The following ZIM2 variants were observed in gnomAD, a reference collection of about 807,000 sequenced individuals.
ZIM2 encodes the protein zinc finger protein 656.
A neutral mutation model predicts 38.6 loss-of-function variants in ZIM2; 14 were observed. That is an observed-to-expected ratio of 0.36 (90% confidence interval 0.24 to 0.57). The LOEUF is 0.57. ZIM2 is among the 20% of genes least tolerant of loss of function. The probability of loss-of-function intolerance (pLI) is 0.81; values close to 1 mark genes in which losing one functional copy is unlikely to be tolerated. For missense variants in ZIM2, 680 were observed against 695.1 expected (o/e 0.98, Z 0.24); for synonymous variants, 247 against 245.8 (o/e 1.00, Z -0.04).
Position 56,812,142 on chromosome 19 carries a change from T to A in ZIM2, c.490+5604A>T, listed in dbSNP as rs181303741. On this transcript the variant is annotated intron_variant, in intron 9 of 12. Coordinates refer to ENST00000629319, the MANE Select transcript of ZIM2 (RefSeq NM_001387356.1). ...TTTTTTAAATTTTTTAAATTTTATA[T>A]TTTTTTTCCAGCCAACTCAAGGCCA... 1.0e-3 allele frequency: 1,002 copies of A among 959,544 alleles called. 5 individuals carry two copies. The African/African-American group carries it at 0.014, about 13-fold the overall frequency. 59.4% of individuals were successfully genotyped at this position (959,544 alleles called of 1,614,324 possible).
At position 56,775,073 on chromosome 19, in the gene ZIM2, C is replaced by T; in HGVS notation, c.1292G>A (p.Cys431Tyr). 1 of 1,614,164 alleles carries T rather than the reference C, an allele frequency of 6.2e-7. No individual in the cohort carries two copies. The highest frequency in any genetic ancestry group is 8.5e-7 in the Non-Finnish European group (1 of 1,180,038). The change falls in exon 13 of 13, where the codon TGT becomes TAT. Residue 431 changes from cysteine to tyrosine, a missense_variant. By Grantham distance (194) the Cys-to-Tyr change is radical. Transcript: ENST00000629319. ...RKPSVQCANL[C>Y]ERVRIHSQED... ...CTGACTGTGAATTCTTACACGTTCA[C>T]AGAGATTCGCACACTGGACGGAAGG...
intron 7 of ZIM2, among the ~76,000 whole-genome samples, chr19:56,819,450 T>C (rs1450782483): frequency 6.6e-6 from 1 of 152,196 alleles, no homozygotes; most frequent in Non-Finnish European, 1.5e-5. Flanking sequence ...TAAAGGACCT[T>C]TGCTTATTGC....
At chr19:56,795,480 G>A (rs1479917531) in intron 9 of ZIM2, among the ~76,000 whole-genome samples, 4 of 152,170 alleles carry the variant, frequency 2.6e-5, no homozygotes, top group African/African-American at 4.8e-5. Flanking sequence ...CACGCCTCAC[G>A]CCCTGGCCTG....
At chr19:56,795,777 G>A (rs1350722234) in intron 9 of ZIM2, among the ~76,000 whole-genome samples, 1 of 152,044 alleles carries the variant, frequency 6.6e-6, no homozygotes, top group Non-Finnish European at 1.5e-5. Context: ...GGAGGCAGAG[G>A]TTACAGTGAG....
chr19:56,821,406 T>C (rs1231439208), intron 7 of ZIM2, among the ~76,000 whole-genome samples: 2 of 152,136 alleles, frequency 1.3e-5, no homozygotes, highest in Non-Finnish European at 2.9e-5. Context: ...GTGACCAACC[T>C]ACCAAGTGAC....
intron 10 of ZIM2, among the ~76,000 whole-genome samples, chr19:56,783,836 GA>G (rs201396603): frequency 6.7e-6 from 1 of 149,788 alleles, no homozygotes; most frequent in South Asian, 2.1e-4. Context: ...AAATAAAAGT[GA>G]AAAAAAAAGA....
intron 8 of ZIM2, among the ~76,000 whole-genome samples, chr19:56,818,286 G>C (rs1432120876): frequency 6.6e-6 from 1 of 152,060 alleles, no homozygotes; most frequent in African/African-American, 2.4e-5. Flanking sequence ...TGGGAACTCA[G>C]GATCCCATCC....
chr19:56,821,424 C>T (rs569437495), intron 7 of ZIM2, among the ~76,000 whole-genome samples: 62 of 152,268 alleles, frequency 4.1e-4, no homozygotes, highest in African/African-American at 1.4e-3. Context: ...GACACACATG[C>T]TGAGGGGGCA....
rs776146263 is a variant in ZIM2, at chr19:56,836,069, C to T, written c.-278G>A. 83 of 504,764 alleles carry T rather than the reference C, an allele frequency of 1.6e-4. No homozygotes were observed. The highest frequency in any genetic ancestry group is 3.0e-4 in the Non-Finnish European group (75 of 253,008). The allele number at this position is 504,764 out of a possible 1,614,324, so 31.3% of individuals were successfully genotyped here. On this transcript the variant is annotated 5_prime_UTR_variant, in exon 2 of 13. Transcript: ENST00000629319. ...CCTAGTCCCTCTTCCTCTCGCCAGT[C>T]GTCTCCAAGAAGGACGGAAGATCAA...
At chr19:56,787,572 C>T (rs961208856) in intron 10 of ZIM2, among the ~76,000 whole-genome samples, 1 of 152,124 alleles carries the variant, frequency 6.6e-6, no homozygotes. Context: ...TTGTCTCTGC[C>T]AGGTTTTGCT....
chr19:56,829,873 C>A (rs982495350), intron 2 of ZIM2, among the ~76,000 whole-genome samples: 1 of 152,236 alleles, frequency 6.6e-6, no homozygotes, highest in Non-Finnish European at 1.5e-5. Context: ...GCCCACTTGG[C>A]CCCCACTTCC....
chr19:56,811,592 G>A, intron 9 of ZIM2: 2 of 985,260 alleles, frequency 2.0e-6, no homozygotes, highest in South Asian at 4.7e-5. Context: ...TTTCTGAAAA[G>A]GGGCTACCAC....
chr19:56,835,853 A>G lies in ZIM2; in HGVS notation c.-227+165T>C, dbSNP rs181410972. 2.7e-3 allele frequency among the ~76,000 whole-genome samples: 410 copies of G among 152,358 alleles called. 1 individual carries two copies. Among genetic ancestry groups the G allele is most frequent in the African/African-American group, 9.4e-3 (393 of 41,588 alleles). On this transcript the variant is annotated intron_variant, in intron 2 of 12. Coordinates refer to ENST00000629319, the MANE Select transcript of ZIM2 (RefSeq NM_001387356.1). Reference sequence around the variant, plus strand: ...TGGTGTGAGGCCAAGGAGAATTTTTAGAGAATACACAATCCACCAGAAGAG... The same window carrying G: ...TGGTGTGAGGCCAAGGAGAATTTTTGGAGAATACACAATCCACCAGAAGAG...
chr19:56,815,231 C>T (rs772073875), intron 9 of ZIM2: 1 of 1,614,104 alleles, frequency 6.2e-7, no homozygotes, highest in East Asian at 2.2e-5. Context: ...TGGGTCTCCT[C>T]CCCATCAGTA....
intron 9 of ZIM2, chr19:56,811,175 A>T (rs2059517002): frequency 1.0e-5 from 10 of 977,014 alleles, no homozygotes; most frequent in Non-Finnish European, 1.1e-5. Flanking sequence ...TGAAAATGTG[A>T]TCATAAACTT....
Position 56,823,146 on chromosome 19 carries a change from A to C in ZIM2, c.107-310T>G, listed in dbSNP as rs1420917037. 2.0e-5 allele frequency among the ~76,000 whole-genome samples: 3 copies of C among 152,288 alleles called. No homozygotes were observed. The East Asian group carries it at 5.8e-4, about 29-fold the overall frequency. On this transcript the variant is annotated intron_variant, in intron 5 of 12. Coordinates refer to ENST00000629319, the MANE Select transcript of ZIM2 (RefSeq NM_001387356.1). ...TTCCTAAGGGGCTGAGTCCACATTC[A>C]GGAGAATGGACTGCAGACCCCCTAC...
chr19:56,776,369 C>T (rs2145823488), intron 12 of ZIM2, among the ~76,000 whole-genome samples: 1 of 152,252 alleles, frequency 6.6e-6, no homozygotes, highest in African/African-American at 2.4e-5. Context: ...TGTTGTATGA[C>T]ACAAATCAAG....
chr19:56,834,046 T>G (rs935231333), intron 2 of ZIM2, among the ~76,000 whole-genome samples: 8 of 152,228 alleles, frequency 5.3e-5, no homozygotes, highest in African/African-American at 1.9e-4. Flanking sequence ...TTCAGTCTTA[T>G]GACCAGCACA....
chr19:56,818,795 A>C (rs1346775178), intron 7 of ZIM2, 93 bp from the exon 8 acceptor site: 1 of 1,417,278 alleles, frequency 7.1e-7, no homozygotes, highest in African/African-American at 1.4e-5. Flanking sequence ...TACATATATG[A>C]AGTTATATAG....
Sources: gnomAD v4.1 joint callset for allele counts (sites outside exome capture counted in the v4.1 genomes callset) on GRCh38, gnomAD v4.1.1 for gene constraint, MANE v1.5 for transcripts, NCBI Gene and HGNC (gene_info 2026-07-23, HGNC 2026-07-21) for gene names.